Variants in GLT1D1 observed in about 807,000 individuals in gnomAD.
GLT1D1 encodes glycosyltransferase 1 domain containing 1.
A neutral mutation model predicts 28.7 loss-of-function variants in GLT1D1; 21 were observed. The ratio of observed to expected loss-of-function variants is 0.73; its 90% CI spans 0.52 to 1.05. The LOEUF is 1.05. Among genes scored for constraint, GLT1D1 ranks in the 50% least tolerant of loss-of-function variants. GLT1D1 has a pLI of 0.00. For synonymous variants in GLT1D1, 147 were observed against 124.8 expected, an observed-to-expected ratio of 1.18 and a Z score of -1.19; for missense variants, 343 against 330.6, an observed-to-expected ratio of 1.04 and a Z score of -0.29.
intron 1 of GLT1D1, among the ~76,000 whole-genome samples, chr12:128,859,570 C>T (rs920865974): frequency 3.3e-5 from 5 of 152,168 alleles, no homozygotes; most frequent in Non-Finnish European, 4.4e-5. Flanking sequence ...GACCCTGCTC[C>T]ACATGTGAAC....
At chr12:128,881,850 C>G (rs1431239273) in intron 2 of GLT1D1, among the ~76,000 whole-genome samples, 1 of 151,436 alleles carries the variant, frequency 6.6e-6, no homozygotes, top group Non-Finnish European at 1.5e-5. Context: ...AATAGATGGT[C>G]TATATTTCCT....
chr12:128,867,126 G>T (rs1956551852), intron 1 of GLT1D1, among the ~76,000 whole-genome samples: 1 of 150,360 alleles, frequency 6.7e-6, no homozygotes, highest in Non-Finnish European at 1.5e-5. Context: ...GGGCGCAGTG[G>T]CTCACGCCTG....
intron 4 of GLT1D1, among the ~76,000 whole-genome samples, chr12:128,908,602 G>A (rs1274343405): frequency 6.6e-6 from 1 of 150,736 alleles, no homozygotes; most frequent in African/African-American, 2.4e-5. Context: ...TAGGTGCTGG[G>A]CTCTGTATGG....
chr12:128,897,297 T>C (rs1869756646), intron 3 of GLT1D1, among the ~76,000 whole-genome samples: 1 of 152,220 alleles, frequency 6.6e-6, no homozygotes, highest in African/African-American at 2.4e-5. Context: ...ATTATTCCTC[T>C]TTTCTCCATG....
At chr12:128,883,588 TCAA>T (rs1417998105) in intron 2 of GLT1D1, among the ~76,000 whole-genome samples, 1 of 91,118 alleles carries the variant, frequency 1.1e-5, no homozygotes, top group African/African-American at 5.1e-5. Context: ...AGACTCCATC[TCAA>T]AAAAAAAAAA....
At chr12:128,889,222 A>C (rs1770202971) in intron 3 of GLT1D1, among the ~76,000 whole-genome samples, 1 of 152,176 alleles carries the variant, frequency 6.6e-6, no homozygotes. Context: ...TCTAGTTTGC[A>C]TCAGGTTTGC....
chr12:128,945,266 C>T lies in GLT1D1; in HGVS notation c.376-60C>T, dbSNP rs544826961. The T allele has an allele frequency of 2.8e-5, 44 of 1,566,278 alleles. 1 individual carries two copies. In the South Asian group the frequency reaches 3.7e-4, roughly 13 times the overall value. On this transcript the variant is annotated intron_variant, in intron 4 of 7. Coordinates refer to ENST00000281703, the MANE Select transcript of GLT1D1 (RefSeq NM_144669.3). The stretch of plus-strand genomic sequence containing the variant: ...AGGGCTTTGGCCTGGCCCGTGCTGG[C>T]CGGCTGGCAGCGCCACTAGCAGGCG...
At chr12:128,903,016 C>T (rs1026396825) in intron 4 of GLT1D1, among the ~76,000 whole-genome samples, 6 of 145,994 alleles carry the variant, frequency 4.1e-5, no homozygotes, top group African/African-American at 7.7e-5. Flanking sequence ...TGCAAGACTC[C>T]GTCTCAAAAA....
At chr12:128,866,102 T>C (rs1956509751) in intron 1 of GLT1D1, among the ~76,000 whole-genome samples, 1 of 148,556 alleles carries the variant, frequency 6.7e-6, no homozygotes, top group South Asian at 2.1e-4. Flanking sequence ...GAGTCTTGGC[T>C]CTGTTGCCCA....
chr12:128,896,978 A>G (rs1044900051), intron 3 of GLT1D1, among the ~76,000 whole-genome samples: 2 of 152,186 alleles, frequency 1.3e-5, no homozygotes, highest in East Asian at 1.9e-4. Context: ...ATATTGATGC[A>G]GTTTCTCAAA....
At chr12:128,894,333 G>A (rs1352968635) in intron 3 of GLT1D1, among the ~76,000 whole-genome samples, 1 of 152,148 alleles carries the variant, frequency 6.6e-6, no homozygotes, top group Non-Finnish European at 1.5e-5. Flanking sequence ...GGGAAGTGGG[G>A]CCTTCTGGAG....
chr12:128,928,997 C>G (rs1243935723), intron 4 of GLT1D1, among the ~76,000 whole-genome samples: 1 of 152,102 alleles, frequency 6.6e-6, no homozygotes, highest in African/African-American at 2.4e-5. Flanking sequence ...TATGTTGAAA[C>G]CTGTTCCCCA....
intron 4 of GLT1D1, among the ~76,000 whole-genome samples, chr12:128,903,817 G>A (rs1194397575): frequency 4.0e-5 from 6 of 151,728 alleles, no homozygotes; most frequent in African/African-American, 1.5e-4. Flanking sequence ...TGCAACCTCT[G>A]CCTCCCAAGT....
intron 3 of GLT1D1, among the ~76,000 whole-genome samples, chr12:128,895,378 C>T (rs948666618): frequency 6.6e-5 from 10 of 151,722 alleles, no homozygotes; most frequent in Admixed American, 3.9e-4. Flanking sequence ...ATTAGGCATC[C>T]GAATGGAGGT....
chr12:128,930,393 G>A lies in GLT1D1; in HGVS notation c.376-14933G>A, dbSNP rs1873732819. ...TTTTCATTCTGATGATCACATCTCA[G>A]GTACAGTGCTTGATACCAGCTTTCC... is the stretch of plus-strand genomic sequence containing the variant. On this transcript the variant is annotated intron_variant, in intron 4 of 7. Coordinates refer to ENST00000281703, the MANE Select transcript of GLT1D1 (RefSeq NM_144669.3). The A allele has an allele frequency of 2.6e-5, 4 of 152,288 alleles. No homozygotes were observed. In the South Asian group the frequency reaches 8.3e-4, roughly 32 times the overall value. The allele number at this position is 152,288 out of a possible 1,614,324, so 9.4% of individuals were successfully genotyped here.
intron 1 of GLT1D1, among the ~76,000 whole-genome samples, chr12:128,856,210 C>T (rs1026819420): frequency 6.6e-6 from 1 of 152,156 alleles, no homozygotes; most frequent in African/African-American, 2.4e-5. Flanking sequence ...TGAGGACAGC[C>T]AGAGGTCGCT....
Position 128,859,086 on chromosome 12 carries a change from G to A in GLT1D1, c.68+5437G>A, listed in dbSNP as rs115475843. Among the ~76,000 whole-genome samples, 816 of 152,204 alleles carry A rather than the reference G, an allele frequency of 5.4e-3. 6 individuals are homozygous for A. Among genetic ancestry groups the A allele is most frequent in the African/African-American group, 0.018 (764 of 41,516 alleles). On this transcript the variant is annotated intron_variant, in intron 1 of 7. Transcript: ENST00000281703. The stretch of plus-strand genomic sequence containing the variant: ...AATGTGTAAAACCAAGCTGTACCTC[G>A]ACCTCCTTGGGCACATGTTCTCAGG...
chr12:128,954,127 T>G (rs1394823930), intron 6 of GLT1D1, among the ~76,000 whole-genome samples: 1 of 150,212 alleles, frequency 6.7e-6, no homozygotes, highest in African/African-American at 2.5e-5. Flanking sequence ...GTTTTTGTTT[T>G]TGTTTTTGTT....
chr12:128,963,483 C>T (rs1038474802), intron 7 of GLT1D1, among the ~76,000 whole-genome samples: 1 of 152,004 alleles, frequency 6.6e-6, no homozygotes, highest in Non-Finnish European at 1.5e-5. Context: ...CCCATCTCTA[C>T]TAAAATACAA....
Sources: allele counts gnomAD v4.1 joint callset (sites outside exome capture counted in the v4.1 genomes callset), GRCh38; gene constraint gnomAD v4.1.1; transcripts MANE v1.5; gene names NCBI Gene and HGNC (gene_info 2026-07-23, HGNC 2026-07-21).